The following FGF12 variants were observed in gnomAD, a reference collection of about 807,000 sequenced individuals.
The protein encoded by FGF12 is fibroblast growth factor 12B.
Under a neutral mutation model 23.6 loss-of-function variants are expected in FGF12, and 14 were observed. The ratio of observed to expected loss-of-function variants is 0.59; its 90% CI spans 0.39 to 0.93. The LOEUF (loss-of-function observed/expected upper bound fraction) is 0.93, where lower values mean the gene tolerates loss of function less well. Among genes scored for constraint, FGF12 ranks in the 40% least tolerant of loss-of-function variants. FGF12 has a pLI of 0.00. For synonymous variants in FGF12, 62 were observed against 77.3 expected (o/e 0.80, Z 1.04); for missense variants, 175 against 217.8 (o/e 0.80, Z 1.24).
chr3:192,607,024 TACAC>T (rs1714364010), intron 2 of FGF12, among the ~76,000 whole-genome samples: 1 of 151,564 alleles, frequency 6.6e-6, no homozygotes, highest in African/African-American at 2.4e-5. Flanking sequence ...CACACGCAGG[TACAC>T]ACACACGCAG....
chr3:192,292,119 TACTC>T (rs1464477366), intron 4 of FGF12, among the ~76,000 whole-genome samples: 10 of 152,316 alleles, frequency 6.6e-5, no homozygotes, highest in African/African-American at 2.4e-4. Context: ...AATTTAAAAC[TACTC>T]ACTAATATTG....
At chr3:192,452,521 G>A (rs1460197117) in intron 2 of FGF12, among the ~76,000 whole-genome samples, 2 of 152,176 alleles carry the variant, frequency 1.3e-5, no homozygotes, top group Admixed American at 6.5e-5. Context: ...CTCATGATAT[G>A]AGGCTGAAAT....
At chr3:192,443,869 T>C (rs538012690) in intron 2 of FGF12, among the ~76,000 whole-genome samples, 1 of 152,240 alleles carries the variant, frequency 6.6e-6, no homozygotes, top group South Asian at 2.1e-4. Flanking sequence ...ACCAGGAGAA[T>C]AGCAGGTGGG....
rs556604017 is a variant in FGF12 at position 192,303,532 on chromosome 3, A to G, written c.228+31829T>C. On this transcript the variant is annotated intron_variant, in intron 4 of 5. Coordinates refer to ENST00000445105, the MANE Select transcript of FGF12 (RefSeq NM_004113.6). Reference sequence around the variant, plus strand: ...TCCAGTGAAGACTGTATAGTGCACAAGATAATTACTAAGAGACTGAAATTT... The same window carrying G: ...TCCAGTGAAGACTGTATAGTGCACAGGATAATTACTAAGAGACTGAAATTT... Among the ~76,000 whole-genome samples, 14 of 152,364 alleles carry G rather than the reference A, an allele frequency of 9.2e-5. No homozygotes were observed. The South Asian group carries it at 2.9e-3, about 32-fold the overall frequency.
intron 4 of FGF12, among the ~76,000 whole-genome samples, chr3:192,276,184 G>A (rs1361578948): frequency 6.6e-6 from 1 of 151,562 alleles, no homozygotes; most frequent in East Asian, 2.0e-4. Context: ...TGATTCACCA[G>A]TCGTACAGTC....
intron 2 of FGF12, among the ~76,000 whole-genome samples, chr3:192,685,760 C>T (rs1288878399): frequency 6.6e-6 from 1 of 152,214 alleles, no homozygotes; most frequent in East Asian, 1.9e-4. Flanking sequence ...ACTTCCAAAT[C>T]TTTCCTATCT....
chr3:192,385,740 A>G (rs560752982), intron 2 of FGF12, among the ~76,000 whole-genome samples: 1 of 152,274 alleles, frequency 6.6e-6, no homozygotes, highest in Non-Finnish European at 1.5e-5. Context: ...CTGCCATGCA[A>G]TTTGCCCTTG....
At position 192,141,302 on chromosome 3, in the gene FGF12, A is replaced by G. The variant is rs1713372358; in HGVS notation, c.*2707T>C. The G allele has an allele frequency of 6.6e-6, 1 of 151,980 alleles. No homozygotes were observed. The highest frequency in any genetic ancestry group is 1.5e-5 in the Non-Finnish European group (1 of 67,860). 9.4% of individuals were successfully genotyped at this position (151,980 alleles called of 1,614,324 possible). ...ATATTTTTGGATGAAGTTGGATATT[A>G]TATGTTTACACATGGTAATATTTTT... On this transcript the variant is annotated 3_prime_UTR_variant, in exon 6 of 6. Transcript: ENST00000445105.
At chr3:192,217,369 C>T (rs1227579213) in intron 4 of FGF12, among the ~76,000 whole-genome samples, 2 of 152,168 alleles carry the variant, frequency 1.3e-5, no homozygotes, top group African/African-American at 4.8e-5. Context: ...CAGTTTGAAT[C>T]TCCACTCTTT....
At chr3:192,250,874 A>G (rs1711959497) in intron 4 of FGF12, among the ~76,000 whole-genome samples, 1 of 152,200 alleles carries the variant, frequency 6.6e-6, no homozygotes. Context: ...GATTAAATTC[A>G]TACAAGCCAA....
At chr3:192,172,428 A>G (rs1715621367) in intron 4 of FGF12, among the ~76,000 whole-genome samples, 1 of 150,324 alleles carries the variant, frequency 6.7e-6, no homozygotes, top group Admixed American at 6.7e-5. Context: ...CACCCCCCAA[A>G]GAAAATTGGA....
chr3:192,446,949 A>G (rs1722372254), intron 2 of FGF12, among the ~76,000 whole-genome samples: 1 of 152,292 alleles, frequency 6.6e-6, no homozygotes, highest in African/African-American at 2.4e-5. Context: ...GCAGATTTCT[A>G]TTCATCTTTT....
chr3:192,354,992 C>T (rs779085528), intron 3 of FGF12, among the ~76,000 whole-genome samples: 1 of 152,152 alleles, frequency 6.6e-6, no homozygotes, highest in Non-Finnish European at 1.5e-5. Flanking sequence ...TTACAGGCGT[C>T]AGCCACTGCA....
At chr3:192,583,845 C>T (rs992552075) in intron 2 of FGF12, among the ~76,000 whole-genome samples, 3 of 152,120 alleles carry the variant, frequency 2.0e-5, no homozygotes, top group African/African-American at 4.8e-5. Context: ...CTGAAATGAT[C>T]GTTTTATCTT....
chr3:192,167,279 T>C (rs974952777), intron 5 of FGF12, among the ~76,000 whole-genome samples: 22 of 151,924 alleles, frequency 1.4e-4, no homozygotes, highest in Non-Finnish European at 1.5e-5. Context: ...ATGGACAACT[T>C]GGAAAGAAAA....
At chr3:192,220,221 G>A (rs2108571979) in intron 4 of FGF12, among the ~76,000 whole-genome samples, 1 of 152,130 alleles carries the variant, frequency 6.6e-6, no homozygotes, top group East Asian at 1.9e-4. Flanking sequence ...GAATTCTTCA[G>A]TGACTTGCCA....
chr3:192,470,190 T>C (rs539590564), intron 2 of FGF12, among the ~76,000 whole-genome samples: 2 of 152,322 alleles, frequency 1.3e-5, no homozygotes, highest in Admixed American at 6.5e-5. Flanking sequence ...ACAATTTTTT[T>C]ACTCATATTA....
rs368951795 is a variant in FGF12 at position 192,167,772 on chromosome 3, A to ATTTTTTT, written c.427+2679_427+2685dup. Among the ~76,000 whole-genome samples, 6 of 15,396 alleles carry ATTTTTTT rather than the reference A, an allele frequency of 3.9e-4. 1 individual carries two copies. The highest frequency in any genetic ancestry group is 1.3e-3 in the African/African-American group (6 of 4,468). 10.1% of individuals were successfully genotyped at this position (15,396 alleles called of 152,430 possible). ...ATATATATATATATATATATATAAA[A>ATTTTTTT]TTTTTTTTTTTTTTTTTTTTTGAGA... On this transcript the variant is annotated intron_variant, in intron 5 of 5. Transcript: ENST00000445105.
At chr3:192,660,123 A>G (rs1716596834) in intron 2 of FGF12, among the ~76,000 whole-genome samples, 1 of 151,850 alleles carries the variant, frequency 6.6e-6, no homozygotes, top group Non-Finnish European at 1.5e-5. Context: ...ATGTCCAACA[A>G]TGATAGACTG....
Sources: allele counts gnomAD v4.1 joint callset (sites outside exome capture counted in the v4.1 genomes callset), GRCh38; gene constraint gnomAD v4.1.1; transcripts MANE v1.5; gene names NCBI Gene and HGNC (gene_info 2026-07-23, HGNC 2026-07-21).